The following GRK5 variants were observed in gnomAD, a reference collection of about 807,000 sequenced individuals.
GRK5 encodes the protein g protein-coupled receptor kinase GRK5.
GRK5 carries 40 observed loss-of-function variants against 78.4 expected under a neutral mutation model. The observed-to-expected ratio is 0.51, with a 90% CI of 0.40 to 0.66. The LOEUF (loss-of-function observed/expected upper bound fraction) is 0.66, where lower values mean the gene tolerates loss of function less well. Among genes scored for constraint, GRK5 ranks in the 30% least tolerant of loss-of-function variants. GRK5 has a pLI of 0.00. For missense variants in GRK5, 598 were observed against 759.9 expected (o/e 0.79, Z 2.50); for synonymous variants, 289 against 296.8 (o/e 0.97, Z 0.27).
chr10:119,314,127 G>A (rs1334692240), intron 1 of GRK5, among the ~76,000 whole-genome samples: 2 of 152,230 alleles, frequency 1.3e-5, no homozygotes, highest in Non-Finnish European at 2.9e-5. Context: ...TGGGAGGGCT[G>A]GGGTGTATGA....
In GRK5 at chr10:119,412,135, G is replaced by T. The variant is rs2133871091; in HGVS notation, c.340-11031G>T. Among the ~76,000 whole-genome samples the T allele has an allele frequency of 6.6e-6, 1 of 152,258 alleles. No homozygotes were observed. The highest frequency in any genetic ancestry group is 2.1e-4 in the South Asian group (1 of 4,826). The stretch of plus-strand genomic sequence containing the variant: ...CAAAGTGCTGGGATTCCAGGCGTGA[G>T]CCACTGCGCCCGGCCTCAGATCCGC... On this transcript the variant is annotated intron_variant, in intron 4 of 15. Transcript: ENST00000392870. This position sits in a 1 kb window ranked among gnomAD's most constrained non-coding sequence, Gnocchi z 4.3.
At chr10:119,343,603 C>T (rs1851021344) in intron 2 of GRK5, among the ~76,000 whole-genome samples, 1 of 152,188 alleles carries the variant, frequency 6.6e-6, no homozygotes, top group Admixed American at 6.5e-5. Flanking sequence ...GGACGTGGAA[C>T]AATATGGGCA....
chr10:119,321,398 G>C (rs1208269985), intron 1 of GRK5, among the ~76,000 whole-genome samples: 1 of 152,210 alleles, frequency 6.6e-6, no homozygotes, highest in African/African-American at 2.4e-5. Context: ...GTGAGTTAAA[G>C]TCAAGGCATC....
chr10:119,323,448 T>C (rs750670812), intron 1 of GRK5, among the ~76,000 whole-genome samples: 17 of 152,154 alleles, frequency 1.1e-4, no homozygotes, highest in Non-Finnish European at 2.1e-4. Context: ...GCTGCTGGGA[T>C]GGGGACATCA....
At chr10:119,400,479 T>C (rs1423817449) in intron 4 of GRK5, among the ~76,000 whole-genome samples, 2 of 152,132 alleles carry the variant, frequency 1.3e-5, no homozygotes, top group African/African-American at 2.4e-5. Context: ...AGGCCATGGA[T>C]GCCGTTGAAC....
chr10:119,364,292 G>C (rs1003492829), intron 2 of GRK5, among the ~76,000 whole-genome samples: 6 of 152,212 alleles, frequency 3.9e-5, no homozygotes, highest in South Asian at 2.1e-4. Flanking sequence ...GGTTCCCTTG[G>C]GGGTGGAGCT....
chr10:119,257,616 C>T (rs78155899), intron 1 of GRK5, among the ~76,000 whole-genome samples: 3,224 of 152,210 alleles, frequency 0.021, 58 homozygotes, highest in Admixed American at 0.055. Context: ...CCCAGCTACT[C>T]AGGAGGCTGA....
chr10:119,426,259 C>T lies in GRK5; in HGVS notation c.533+1174C>T, dbSNP rs181798759. Among the ~76,000 whole-genome samples, 458 of 152,360 alleles carry T rather than the reference C, an allele frequency of 3.0e-3. 5 individuals carry two copies. The highest frequency in any genetic ancestry group is 0.01 in the African/African-American group (430 of 41,578). ...ATCCAGCAGAAAACCCTTGGCTCTG[C>T]GGCCATGGATGGGTGGTTTCTCTCC... is the stretch of plus-strand genomic sequence containing the variant. On this transcript the variant is annotated intron_variant, in intron 6 of 15. Coordinates refer to ENST00000392870, the MANE Select transcript of GRK5 (RefSeq NM_005308.3).
chr10:119,412,024 T>C lies in GRK5; in HGVS notation c.340-11142T>C, dbSNP rs1168495525. 6.6e-6 allele frequency among the ~76,000 whole-genome samples: 1 copy of C among 152,046 alleles called. No individual in the cohort carries two copies. Among genetic ancestry groups the C allele is most frequent in the Non-Finnish European group, 1.5e-5 (1 of 67,980 alleles). On this transcript the variant is annotated intron_variant, in intron 4 of 15. Transcript: ENST00000392870. This position sits in a 1 kb window ranked among gnomAD's most constrained non-coding sequence, Gnocchi z 4.3. The stretch of plus-strand genomic sequence containing the variant: ...CACCACCACGCCTGGCTAATTTTTG[T>C]ATTTTTAGTAGAGACGGGGTTTCAT...
chr10:119,333,779 G>GAT, intron 2 of GRK5: 1 of 532,966 alleles, frequency 1.9e-6, no homozygotes, highest in South Asian at 1.4e-5. Context: ...GAGCTGAGCG[G>GAT]ATCGCTGATC....
chr10:119,310,790 A>G (rs1054045645), intron 1 of GRK5, among the ~76,000 whole-genome samples: 1 of 152,278 alleles, frequency 6.6e-6, no homozygotes, highest in Non-Finnish European at 1.5e-5. Flanking sequence ...CTTCAAGCAC[A>G]TTTTCGAATC....
chr10:119,313,065 G>GTGGTGATGGTGGTGGTGGTGTGATGA, intron 1 of GRK5, among the ~76,000 whole-genome samples: 1 of 147,966 alleles, frequency 6.8e-6, no homozygotes, highest in East Asian at 1.9e-4. Context: ...GATGATGGTG[G>GTGGTGATGGTGGTGGTGGTGTGATGA]TGGTGATGGT....
At chr10:119,346,695 G>A (rs1178837588) in intron 2 of GRK5, among the ~76,000 whole-genome samples, 2 of 152,184 alleles carry the variant, frequency 1.3e-5, no homozygotes, top group African/African-American at 4.8e-5. Context: ...AGGGCTGGCT[G>A]GCTGGCTCCT....
Position 119,380,772 on chromosome 10 carries a change from C to A in GRK5, c.149-43C>A, listed in dbSNP as rs1161471675. 4 of 1,271,142 alleles carry A rather than the reference C, an allele frequency of 3.1e-6. 1 individual carries two copies. In the Admixed American group the frequency reaches 5.1e-5, roughly 16 times the overall value. The allele number at this position is 1,271,142 out of a possible 1,614,324, so 78.7% of individuals were successfully genotyped here. A position where few individuals can be genotyped will look rare whatever the true frequency, so the allele number is the denominator to read the frequency against. ...GGAATGACAGGAAGGCCCTGCCTGGCCTTCTCCTGGGTCTCATCACATTCT... is the reference window on the plus strand; with the variant it reads ...GGAATGACAGGAAGGCCCTGCCTGGACTTCTCCTGGGTCTCATCACATTCT... On this transcript the variant is annotated intron_variant, in intron 2 of 15. Coordinates refer to ENST00000392870, the MANE Select transcript of GRK5 (RefSeq NM_005308.3).
At chr10:119,377,342 C>T (rs1412613544) in intron 2 of GRK5, among the ~76,000 whole-genome samples, 2 of 152,206 alleles carry the variant, frequency 1.3e-5, no homozygotes, top group Admixed American at 6.5e-5. Flanking sequence ...CTTTGATTTG[C>T]GCCTCCTCCT....
Position 119,452,646 on chromosome 10 carries a change from G to C in GRK5, c.1405-25G>C. On this transcript the variant is annotated intron_variant, in intron 13 of 15. Coordinates refer to ENST00000392870, the MANE Select transcript of GRK5 (RefSeq NM_005308.3). This position sits in a 1 kb window ranked among gnomAD's most constrained non-coding sequence, Gnocchi z 4.4. Reference sequence around the variant, plus strand: ...CTGGAGCCGCAGGCGGGACATATGTGTGACCGGCCCTCTGCCCCTGGCAGC... The same window carrying C: ...CTGGAGCCGCAGGCGGGACATATGTCTGACCGGCCCTCTGCCCCTGGCAGC... 6.2e-7 allele frequency: 1 copy of C among 1,613,504 alleles called. No individual in the cohort carries two copies.
intron 1 of GRK5, among the ~76,000 whole-genome samples, chr10:119,287,885 C>T (rs551004619): frequency 2.6e-5 from 4 of 152,244 alleles, no homozygotes; most frequent in African/African-American, 7.2e-5. Flanking sequence ...CAGGTAGACA[C>T]AGCCAGGAAG....
chr10:119,313,139 GGT>G, intron 1 of GRK5, among the ~76,000 whole-genome samples: 1 of 151,694 alleles, frequency 6.6e-6, no homozygotes, highest in Non-Finnish European at 1.5e-5. Context: ...TGGTAATGAT[GGT>G]AGTGGTGATG....
chr10:119,311,354 G>A (rs1438741178), intron 1 of GRK5, among the ~76,000 whole-genome samples: 7 of 152,104 alleles, frequency 4.6e-5, no homozygotes, highest in African/African-American at 1.7e-4. Flanking sequence ...AGGAAGCAAT[G>A]AGCAGAATAA....
Sources: gnomAD v4.1 joint callset for allele counts (sites outside exome capture counted in the v4.1 genomes callset) on GRCh38, gnomAD v4.1.1 for gene constraint, Gnocchi (gnomAD v3.1) non-coding constraint, MANE v1.5 for transcripts, NCBI Gene and HGNC (gene_info 2026-07-23, HGNC 2026-07-21) for gene names.